SMCO4: variants seen among roughly 807,000 people sequenced by gnomAD.
SMCO4 encodes single-pass membrane protein with coiled-coil domains 4, also known as single-pass membrane and coiled-coil domain-containing protein 4.
A neutral mutation model predicts 3.6 loss-of-function variants in SMCO4; 4 were observed. The observed-to-expected ratio is 1.11, with a 90% CI of 0.54 to 2.53. The LOEUF (loss-of-function observed/expected upper bound fraction) is 2.53, where lower values mean the gene tolerates loss of function less well. SMCO4 is among the 30% of genes most tolerant of loss of function. The pLI is 0.02. For missense variants in SMCO4, 70 were observed against 80.8 expected (o/e 0.87, Z 0.51); for synonymous variants, 36 against 35.3 (o/e 1.02, Z -0.07).
chr11:93,512,445 C>T (rs1046108654), intron 1 of SMCO4, among the ~76,000 whole-genome samples: 4 of 152,212 alleles, frequency 2.6e-5, no homozygotes, highest in African/African-American at 7.2e-5. Context: ...TCACTCACCA[C>T]TCAGCCACTG....
intron 1 of SMCO4, among the ~76,000 whole-genome samples, chr11:93,529,098 G>A (rs1455869102): frequency 6.6e-6 from 1 of 152,184 alleles, no homozygotes; most frequent in African/African-American, 2.4e-5. Flanking sequence ...TGCCTCCACA[G>A]ATTCTGAAGG....
the SMCO4 span, among the ~76,000 whole-genome samples, chr11:93,552,642 T>C: frequency 6.6e-6 from 1 of 151,490 alleles, no homozygotes; most frequent in African/African-American, 2.4e-5. Flanking sequence ...CGGCTAATTT[T>C]TGTATTTTTA....
rs1175865123 is a variant in SMCO4 at position 93,542,115 on chromosome 11, A to G, written c.-154+1161T>C. Among the ~76,000 whole-genome samples the G allele has an allele frequency of 8.6e-3, 17 of 1,982 alleles. No homozygotes were observed. The South Asian group carries it at 0.3, about 35-fold the overall frequency. The allele number at this position is 1,982 out of a possible 152,430, so 1.3% of individuals were successfully genotyped here. On this transcript the variant is annotated intron_variant, in intron 1 of 2. Coordinates refer to ENST00000298966, the MANE Select transcript of SMCO4 (RefSeq NM_020179.3). The stretch of plus-strand genomic sequence containing the variant: ...AATACAAAGTTTATTTGTAAAGGGG[A>G]AAAAAAAAAAGCCAACATGAGTCAT...
intron 1 of SMCO4, among the ~76,000 whole-genome samples, chr11:93,533,659 C>G (rs1949184423): frequency 6.6e-6 from 1 of 152,124 alleles, no homozygotes; most frequent in Non-Finnish European, 1.5e-5. Flanking sequence ...CTCTGATGTG[C>G]ACAAAGGAGG....
intron 1 of SMCO4, chr11:93,523,462 A>T (rs919818566): frequency 2.0e-5 from 3 of 152,402 alleles, no homozygotes; most frequent in African/African-American, 7.2e-5. Flanking sequence ...GTTCAAGACC[A>T]GCCTGGGTAA....
At chr11:93,488,799 G>A (rs543985305) in intron 2 of SMCO4, among the ~76,000 whole-genome samples, 10 of 152,272 alleles carry the variant, frequency 6.6e-5, no homozygotes, top group African/African-American at 1.7e-4. Flanking sequence ...AGTGGAGTGT[G>A]TGCAGAGTAG....
At position 93,531,928 on chromosome 11, in the gene SMCO4, T is replaced by C. The variant is rs116999111; in HGVS notation, c.-154+11348A>G. Among the ~76,000 whole-genome samples, 766 of 152,304 alleles carry C rather than the reference T, an allele frequency of 5.0e-3. 33 individuals carry two copies. The East Asian group carries it at 0.073, about 15-fold the overall frequency. On this transcript the variant is annotated intron_variant, in intron 1 of 2. Transcript: ENST00000298966. Reference sequence around the variant, plus strand: ...TGCAACCATTTGTCTCTTATCTACCTATAAGCTGGAAGCCCCTGCCCCATT... The same window carrying C: ...TGCAACCATTTGTCTCTTATCTACCCATAAGCTGGAAGCCCCTGCCCCATT...
upstream of SMCO4, among the ~76,000 whole-genome samples, chr11:93,547,067 C>T (rs1949320723): frequency 6.6e-6 from 1 of 152,186 alleles, no homozygotes; most frequent in Non-Finnish European, 1.5e-5. Context: ...ATTTGGTGCA[C>T]ATAGAGGTAG....
chr11:93,542,327 C>T (rs1408132794), intron 1 of SMCO4, among the ~76,000 whole-genome samples: 1 of 152,132 alleles, frequency 6.6e-6, no homozygotes, highest in Non-Finnish European at 1.5e-5. Context: ...ACTTAAAGAG[C>T]AAGGGAGCCT....
intron 1 of SMCO4, among the ~76,000 whole-genome samples, chr11:93,503,195 G>A (rs112591408): frequency 2.6e-5 from 4 of 152,252 alleles, no homozygotes; most frequent in African/African-American, 7.2e-5. Context: ...AGAAAAAGAG[G>A]TTTAATGGAC....
intron 2 of SMCO4, among the ~76,000 whole-genome samples, chr11:93,494,519 G>A (rs558191988): frequency 5.3e-5 from 8 of 152,076 alleles, no homozygotes; most frequent in Non-Finnish European, 1.0e-4. Context: ...GAATCCAACC[G>A]CCTGTGTCCA....
the SMCO4 span, among the ~76,000 whole-genome samples, chr11:93,550,843 C>T: frequency 6.6e-6 from 1 of 152,268 alleles, no homozygotes. Flanking sequence ...AAAAATAACA[C>T]TTAATTACCT....
At chr11:93,551,054 C>T in the SMCO4 span, among the ~76,000 whole-genome samples, 1 of 152,116 alleles carries the variant, frequency 6.6e-6, no homozygotes, top group Non-Finnish European at 1.5e-5. Context: ...CATGTATTTA[C>T]GGAACACCTA....
intron 2 of SMCO4, among the ~76,000 whole-genome samples, chr11:93,488,797 G>A (rs1486149496): frequency 6.6e-6 from 1 of 152,184 alleles, no homozygotes; most frequent in Non-Finnish European, 1.5e-5. Flanking sequence ...GAAGTGGAGT[G>A]TGTGCAGAGT....
chr11:93,525,134 C>T (rs1015587731), intron 1 of SMCO4, among the ~76,000 whole-genome samples: 1 of 152,152 alleles, frequency 6.6e-6, no homozygotes, highest in African/African-American at 2.4e-5. Flanking sequence ...CCACTTCCAG[C>T]TGTGGCCAGA....
chr11:93,516,587 C>T (rs1001483376), intron 1 of SMCO4, among the ~76,000 whole-genome samples: 5 of 152,198 alleles, frequency 3.3e-5, no homozygotes, highest in South Asian at 2.1e-4. Context: ...GCCTGGAGTT[C>T]GAGACCAGCC....
At chr11:93,528,258 T>C (rs986512626) in intron 1 of SMCO4, among the ~76,000 whole-genome samples, 2 of 152,212 alleles carry the variant, frequency 1.3e-5, no homozygotes, top group African/African-American at 4.8e-5. Flanking sequence ...GATCCATTCT[T>C]TTCTGCCTTA....
At chr11:93,534,357 CATATAT>C (rs574528655) in intron 1 of SMCO4, among the ~76,000 whole-genome samples, 7,306 of 86,980 alleles carry the variant, frequency 0.084, 478 homozygotes, top group African/African-American at 0.18. Flanking sequence ...TATACACATA[CATATAT>C]ATATATATAT....
At chr11:93,522,121 A>C (rs1431145630) in intron 1 of SMCO4, among the ~76,000 whole-genome samples, 5 of 152,104 alleles carry the variant, frequency 3.3e-5, no homozygotes, top group Non-Finnish European at 7.3e-5. Flanking sequence ...AAATGTCAGG[A>C]AGTTCTTCCT....
Sources: allele counts gnomAD v4.1 joint callset (sites outside exome capture counted in the v4.1 genomes callset), GRCh38; gene constraint gnomAD v4.1.1; transcripts MANE v1.5; gene names NCBI Gene and HGNC (gene_info 2026-07-23, HGNC 2026-07-21).